OPCML: variants seen among roughly 807,000 people sequenced by gnomAD.
The protein encoded by OPCML is opioid binding protein/cell adhesion molecule like, also known as opioid-binding protein/cell adhesion molecule.
OPCML carries 13 observed loss-of-function variants against 37.8 expected under a neutral mutation model. That is an observed-to-expected ratio of 0.34 (90% CI 0.22 to 0.55). The LOEUF (loss-of-function observed/expected upper bound fraction) is 0.55. Among genes scored for constraint, OPCML ranks in the 20% least tolerant of loss-of-function variants. The pLI is 0.91. For synonymous variants in OPCML, 176 were observed against 168.8 expected (o/e 1.04, Z -0.33); for missense variants, 341 against 435.6 (o/e 0.78, Z 1.93).
chr11:132,776,908 C>T (rs1393018052), intron 2 of OPCML, among the ~76,000 whole-genome samples: 1 of 152,058 alleles, frequency 6.6e-6, no homozygotes, highest in Non-Finnish European at 1.5e-5. Flanking sequence ...TGGAGAATTT[C>T]CCTCTATCAA....
Position 133,148,436 on chromosome 11 carries a change from G to T in OPCML, c.62-205426C>A, listed in dbSNP as rs191202310. On this transcript the variant is annotated intron_variant, in intron 1 of 7. Transcript: ENST00000524381. ...ACTGCGTTGGTAAATGGAAATGATG[G>T]CTCCAACCTCTCTGAAACAAGAGGG... Among the ~76,000 whole-genome samples, 396 of 152,330 alleles carry T rather than the reference G, an allele frequency of 2.6e-3. 1 individual carries two copies. Among genetic ancestry groups the T allele is most frequent in the Non-Finnish European group, 4.2e-3 (287 of 68,034 alleles).
At chr11:133,368,994 G>C (rs770131929) in intron 1 of OPCML, among the ~76,000 whole-genome samples, 1 of 152,192 alleles carries the variant, frequency 6.6e-6, no homozygotes, top group Non-Finnish European at 1.5e-5. Flanking sequence ...ATTTTCAAAA[G>C]AATAATACTA....
chr11:133,477,149 C>T (rs1228390914), intron 1 of OPCML, among the ~76,000 whole-genome samples: 1 of 151,964 alleles, frequency 6.6e-6, no homozygotes, highest in Non-Finnish European at 1.5e-5. Flanking sequence ...GTTGTTTCTC[C>T]ATTACAGTTG....
intron 1 of OPCML, among the ~76,000 whole-genome samples, chr11:133,406,272 G>T (rs1241646130): frequency 6.6e-6 from 1 of 152,144 alleles, no homozygotes; most frequent in Non-Finnish European, 1.5e-5. Flanking sequence ...TTTAAGGGGT[G>T]CATATCTGAG....
chr11:132,569,090 C>T (rs1376908016), intron 3 of OPCML, among the ~76,000 whole-genome samples: 3 of 152,172 alleles, frequency 2.0e-5, no homozygotes, highest in African/African-American at 4.8e-5. Context: ...CGCCTGCGGT[C>T]GGGGCTGACT....
chr11:133,140,994 A>AAGAC (rs1565468938), intron 1 of OPCML, among the ~76,000 whole-genome samples: 82 of 4,090 alleles, frequency 0.02, 36 homozygotes, highest in African/African-American at 0.034. Context: ...AAGAAGAAGA[A>AAGAC]GAAGACGACG....
intron 3 of OPCML, among the ~76,000 whole-genome samples, chr11:132,618,892 A>C (rs538391329): frequency 6.6e-6 from 1 of 151,954 alleles, no homozygotes; most frequent in Admixed American, 6.6e-5. Context: ...TTGCCCCTGC[A>C]GCCAGAATAA....
At chr11:133,244,493 G>A (rs2136418615) in intron 1 of OPCML, among the ~76,000 whole-genome samples, 1 of 152,180 alleles carries the variant, frequency 6.6e-6, no homozygotes, top group South Asian at 2.1e-4. Flanking sequence ...GTAAGTCCTG[G>A]AATACACATG....
At chr11:133,357,342 C>T (rs536299133) in intron 1 of OPCML, among the ~76,000 whole-genome samples, 1 of 152,262 alleles carries the variant, frequency 6.6e-6, no homozygotes, top group Non-Finnish European at 1.5e-5. Context: ...CCCATGTCTC[C>T]CTAGGGTTGT....
intron 1 of OPCML, among the ~76,000 whole-genome samples, chr11:133,248,773 G>A (rs1474268907): frequency 6.6e-6 from 1 of 152,182 alleles, no homozygotes; most frequent in Non-Finnish European, 1.5e-5. Flanking sequence ...GGGAGAGCAT[G>A]GGCCACAGAA....
At chr11:133,229,913 C>A (rs991767720) in intron 1 of OPCML, among the ~76,000 whole-genome samples, 6 of 152,140 alleles carry the variant, frequency 3.9e-5, no homozygotes, top group Non-Finnish European at 8.8e-5. Context: ...GTACATGTGG[C>A]GTGAATACAT....
At chr11:132,981,158 T>A (rs1293708659) in intron 1 of OPCML, among the ~76,000 whole-genome samples, 1 of 152,214 alleles carries the variant, frequency 6.6e-6, no homozygotes, top group Non-Finnish European at 1.5e-5. Flanking sequence ...ATGGTTGTAT[T>A]GGGCATTTAT....
intron 7 of OPCML, among the ~76,000 whole-genome samples, chr11:132,429,823 G>A (rs981021103): frequency 3.9e-5 from 6 of 152,286 alleles, no homozygotes; most frequent in Middle Eastern, 3.4e-3. Context: ...TAAGGCTAAT[G>A]CAGGCCAACA....
chr11:133,366,813 A>G (rs765969413), intron 1 of OPCML, among the ~76,000 whole-genome samples: 1 of 152,176 alleles, frequency 6.6e-6, no homozygotes, highest in Non-Finnish European at 1.5e-5. Context: ...TGAGTGTAAA[A>G]CTATGATTCT....
rs145343193 is a variant in OPCML, at chr11:132,797,800, G to A, written c.147-140481C>T. Among the ~76,000 whole-genome samples the A allele has an allele frequency of 2.0e-3, 304 of 152,272 alleles. 2 individuals are homozygous for A. In the Middle Eastern group the frequency reaches 0.044, roughly 22 times the overall value. On this transcript the variant is annotated intron_variant, in intron 2 of 7. Transcript: ENST00000524381. ...TACTAACAATCATCCAAGCTTTCAG[G>A]AAGTCATAATCTTTTTGCTGATGAA...
At chr11:132,503,372 A>G (rs896399998) in intron 4 of OPCML, among the ~76,000 whole-genome samples, 7 of 152,264 alleles carry the variant, frequency 4.6e-5, no homozygotes, top group African/African-American at 1.7e-4. Flanking sequence ...AATTACCACA[A>G]CTTCTACTGA....
At chr11:132,490,236 G>A (rs1318190050) in intron 4 of OPCML, among the ~76,000 whole-genome samples, 1 of 151,560 alleles carries the variant, frequency 6.6e-6, no homozygotes, top group Non-Finnish European at 1.5e-5. Flanking sequence ...AATCTCTTTT[G>A]ACAAGCTCAA....
At chr11:133,182,815 T>C (rs1937897909) in intron 1 of OPCML, among the ~76,000 whole-genome samples, 2 of 152,072 alleles carry the variant, frequency 1.3e-5, no homozygotes, top group Admixed American at 6.6e-5. Flanking sequence ...AGCGAAAGGA[T>C]GTGCATATAT....
chr11:133,064,473 G>A (rs1948405909), intron 1 of OPCML, among the ~76,000 whole-genome samples: 1 of 152,230 alleles, frequency 6.6e-6, no homozygotes, highest in Non-Finnish European at 1.5e-5. Context: ...GGTCAAATGG[G>A]AGAAGGGACG....
Sources: allele counts gnomAD v4.1 joint callset (sites outside exome capture counted in the v4.1 genomes callset), GRCh38; gene constraint gnomAD v4.1.1; transcripts MANE v1.5; gene names NCBI Gene and HGNC (gene_info 2026-07-23, HGNC 2026-07-21).